Variants in DYNLT5 observed in about 807,000 individuals in gnomAD.
DYNLT5 encodes the protein dynein light chain Tctex-type family member 5.
A neutral mutation model predicts 19.3 loss-of-function variants in DYNLT5; 25 were observed. The observed-to-expected ratio is 1.30, with a 90% CI of 0.95 to 1.81. The LOEUF (loss-of-function observed/expected upper bound fraction) is 1.81. DYNLT5 is among the 40% of genes most tolerant of loss of function. The pLI is 0.00. For synonymous variants in DYNLT5, 82 were observed against 68.9 expected (o/e 1.19, Z -0.94); for missense variants, 232 against 217.9 (o/e 1.06, Z -0.41).
intron 4 of DYNLT5, 125 bp downstream of exon 4, chr1:66,776,528 T>A: frequency 8.6e-7 from 1 of 1,163,420 alleles, no homozygotes; most frequent in Non-Finnish European, 1.2e-6. Context: ...TATTTATAAT[T>A]AGGTCATATT....
chr1:66,769,197 T>C (rs1645187019), intron 2 of DYNLT5, among the ~76,000 whole-genome samples: 1 of 152,108 alleles, frequency 6.6e-6, no homozygotes, highest in Non-Finnish European at 1.5e-5. Flanking sequence ...AAGGCAGGTG[T>C]TATAAGAATA....
In DYNLT5 at chr1:66,754,697, T is replaced by C. The variant is rs748409582; in HGVS notation, c.39T>C (p.His13=). 3 of 1,613,362 alleles carry C rather than the reference T, an allele frequency of 1.9e-6. No homozygotes were observed. The highest frequency in any genetic ancestry group is 1.1e-5 in the South Asian group (1 of 90,984). ...MSDNAKGRAA[H]SWKKRGSISS... is the part of the protein sequence containing the mutation. ...ACAATGCTAAAGGCAGAGCAGCTCA[T>C]TCATGGAAGAAAAGAGGGAGTATTT... The change falls in exon 2 of 5, where the codon CAT becomes CAC. Residue 13 remains histidine (H), a synonymous_variant. Coordinates refer to ENST00000282670, the MANE Select transcript of DYNLT5 (RefSeq NM_152665.3).
At chr1:66,756,608 A>G (rs2094636446) in intron 2 of DYNLT5, among the ~76,000 whole-genome samples, 1 of 152,174 alleles carries the variant, frequency 6.6e-6, no homozygotes, top group Non-Finnish European at 1.5e-5. Context: ...ACATTATCTC[A>G]CTGAATCTCC....
At chr1:66,777,074 T>A (rs986782863) in intron 4 of DYNLT5, among the ~76,000 whole-genome samples, 177 bp from the exon 5 acceptor site, 1 of 152,212 alleles carries the variant, frequency 6.6e-6, no homozygotes, top group Non-Finnish European at 1.5e-5. Context: ...TCCTGAATGT[T>A]CTATCTCAAG....
intron 3 of DYNLT5, among the ~76,000 whole-genome samples, chr1:66,773,014 T>A (rs10493417): frequency 0.12 from 18,200 of 152,172 alleles, 1,161 homozygotes; most frequent in South Asian, 0.16. Flanking sequence ...CAAATGATGT[T>A]ATATGTTTAA....
At chr1:66,764,973 T>A (rs1350652147) in intron 2 of DYNLT5, among the ~76,000 whole-genome samples, 1 of 151,820 alleles carries the variant, frequency 6.6e-6, no homozygotes, top group Non-Finnish European at 1.5e-5. Context: ...AGTAAAGGAG[T>A]TTCTATGCAT....
chr1:66,752,620 CA>C (rs1213973313), intron 1 of DYNLT5, 36 bp downstream of exon 1: 7 of 983,070 alleles, frequency 7.1e-6, no homozygotes, highest in Non-Finnish European at 7.2e-6. Flanking sequence ...GTCTGGACCC[CA>C]AAGGAAGGAT....
At chr1:66,764,460 T>C (rs2094651138) in intron 2 of DYNLT5, among the ~76,000 whole-genome samples, 1 of 152,182 alleles carries the variant, frequency 6.6e-6, no homozygotes, top group Non-Finnish European at 1.5e-5. Flanking sequence ...GAGAGAGACA[T>C]GGGAAATGGC....
At chr1:66,757,767 G>A (rs769263358) in intron 2 of DYNLT5, among the ~76,000 whole-genome samples, 1 of 151,910 alleles carries the variant, frequency 6.6e-6, no homozygotes, top group Non-Finnish European at 1.5e-5. Flanking sequence ...TGCTAAATAC[G>A]ATTTTTACAT....
At chr1:66,762,853 A>T (rs539936470) in intron 2 of DYNLT5, among the ~76,000 whole-genome samples, 1 of 152,322 alleles carries the variant, frequency 6.6e-6, no homozygotes, top group South Asian at 2.1e-4. Flanking sequence ...GGAAAAAAAT[A>T]GCTAGAGGAA....
intron 2 of DYNLT5, among the ~76,000 whole-genome samples, chr1:66,760,173 G>A (rs868750554): frequency 6.6e-6 from 1 of 152,048 alleles, no homozygotes; most frequent in Non-Finnish European, 1.5e-5. Context: ...CTTCCCTGAG[G>A]CATGTATCAC....
chr1:66,754,629 C>T, intron 1 of DYNLT5, 27 bp from the exon 2 acceptor site: 2 of 1,575,342 alleles, frequency 1.3e-6, no homozygotes, highest in Non-Finnish European at 1.7e-6. Flanking sequence ...CTTTCTTTTG[C>T]TATTTTACAA....
intron 2 of DYNLT5, among the ~76,000 whole-genome samples, chr1:66,766,806 T>A (rs1354016196): frequency 6.6e-6 from 1 of 152,184 alleles, no homozygotes; most frequent in Non-Finnish European, 1.5e-5. Context: ...TTTTTTATGA[T>A]GTTATAGTCT....
At chr1:66,754,354 AC>A (rs1292366018) in intron 1 of DYNLT5, among the ~76,000 whole-genome samples, 5 of 152,260 alleles carry the variant, frequency 3.3e-5, no homozygotes, top group Non-Finnish European at 7.3e-5. Context: ...TTTCTGCTAT[AC>A]ATGCATATCT....
At chr1:66,769,539 A>G (rs1368015866) in intron 2 of DYNLT5, among the ~76,000 whole-genome samples, 1 of 151,948 alleles carries the variant, frequency 6.6e-6, no homozygotes, top group African/African-American at 2.4e-5. Flanking sequence ...ACACACAAAC[A>G]CACACCCACA....
chr1:66,777,483 T>C lies in DYNLT5; in HGVS notation c.*29T>C. The C allele has an allele frequency of 1.9e-6, 3 of 1,600,122 alleles. No homozygotes were observed. Among genetic ancestry groups the C allele is most frequent in the Non-Finnish European group, 2.6e-6 (3 of 1,171,448 alleles). On this transcript the variant is annotated 3_prime_UTR_variant, in exon 5 of 5. Transcript: ENST00000282670. ...AAAATAAGAAATCTAGCTCTTACTT[T>C]TGAAAATTCTGAGGCAGGCTGTATG...
chr1:66,764,406 C>T (rs2094650981), intron 2 of DYNLT5, among the ~76,000 whole-genome samples: 1 of 152,050 alleles, frequency 6.6e-6, no homozygotes, highest in African/African-American at 2.4e-5. Context: ...ATTAATTGGC[C>T]TAATTTCAAT....
Position 66,770,391 on chromosome 1 carries a change from A to G in DYNLT5, c.124A>G (p.Met42Val), listed in dbSNP as rs752780500. 12 of 1,610,554 alleles carry G rather than the reference A, an allele frequency of 7.5e-6. No homozygotes were observed. Among genetic ancestry groups the G allele is most frequent in the Non-Finnish European group, 1.0e-5 (12 of 1,177,436 alleles). The change falls in exon 3 of 5, where the codon ATG becomes GTG. Residue 42 changes from methionine to valine, a missense_variant. Coordinates refer to ENST00000282670, the MANE Select transcript of DYNLT5 (RefSeq NM_152665.3). ...KEIHGRIKDS[M>V]STVSYMEEPS... is the part of the protein sequence containing the mutation. ...TGTTTTCTCCCTTGTTTTTAGTTCT[A>G]TGAGTACTGTGTCTTATATGGAAGA...
chr1:66,776,386 A>G lies in DYNLT5; in HGVS notation c.319A>G (p.Thr107Ala). ...EYEPELCRQM[T>A]KTISEVIKAQ... ...TGAACCAGAGCTCTGTAGACAGATGACTAAAACCATTTCTGAGGTACGTGT... is the reference window on the plus strand; with the variant it reads ...TGAACCAGAGCTCTGTAGACAGATGGCTAAAACCATTTCTGAGGTACGTGT... Residue 107 changes from threonine to alanine, a missense_variant, in exon 4 of 5, where the codon ACT (threonine) becomes GCT (alanine). By Grantham distance (58) the Thr-to-Ala change is moderately conservative. Coordinates refer to ENST00000282670, the MANE Select transcript of DYNLT5 (RefSeq NM_152665.3). 6.2e-7 allele frequency: 1 copy of G among 1,601,178 alleles called. No homozygotes were observed. Among genetic ancestry groups the G allele is most frequent in the Non-Finnish European group, 8.5e-7 (1 of 1,172,976 alleles).
Sources: allele counts gnomAD v4.1 joint callset (sites outside exome capture counted in the v4.1 genomes callset), GRCh38; gene constraint gnomAD v4.1.1; transcripts MANE v1.5; gene names NCBI Gene and HGNC (gene_info 2026-07-23, HGNC 2026-07-21).